The following PHF21A variants were observed in gnomAD, a reference collection of about 807,000 sequenced individuals.
PHF21A encodes the protein PHD finger protein 21A.
PHF21A carries 11 observed loss-of-function variants against 82.5 expected under a neutral mutation model. That is an observed-to-expected ratio of 0.13 (90% CI 0.08 to 0.22). PHF21A has a LOEUF of 0.22. Among genes scored for constraint, PHF21A ranks in the 10% least tolerant of loss-of-function variants. The pLI is 1.00. For missense variants in PHF21A, 579 were observed against 837.8 expected (o/e 0.69, Z 3.81); for synonymous variants, 297 against 302.8 (o/e 0.98, Z 0.20).
At chr11:45,970,459 A>T (rs893997813) in intron 8 of PHF21A, 10 of 152,532 alleles carry the variant, frequency 6.6e-5, no homozygotes, top group Admixed American at 3.9e-4. Context: ...TGCCATTTTA[A>T]GGGAATTTTA....
chr11:46,020,968 G>A (rs986584210), intron 6 of PHF21A, among the ~76,000 whole-genome samples: 34 of 151,844 alleles, frequency 2.2e-4, no homozygotes, highest in Admixed American at 2.0e-3. Flanking sequence ...TTCCACTTAC[G>A]ATAGTTTCAA....
intron 6 of PHF21A, among the ~76,000 whole-genome samples, chr11:45,993,496 A>C (rs2094790574): frequency 6.6e-6 from 1 of 151,984 alleles, no homozygotes. Flanking sequence ...AGAATATGGA[A>C]TCCCTGCCCT....
intron 6 of PHF21A, among the ~76,000 whole-genome samples, chr11:46,030,125 C>A (rs768111285): frequency 1.1e-4 from 17 of 152,160 alleles, no homozygotes; most frequent in Admixed American, 1.3e-4. Context: ...AACAATAGAG[C>A]AAACTGCTGA....
chr11:46,013,825 A>G (rs1308124463), intron 6 of PHF21A, among the ~76,000 whole-genome samples: 1 of 152,178 alleles, frequency 6.6e-6, no homozygotes, highest in Non-Finnish European at 1.5e-5. Context: ...AAACTACAGT[A>G]AAAATACACT....
intron 6 of PHF21A, among the ~76,000 whole-genome samples, chr11:46,073,626 CACAT>C (rs1393384591): frequency 2.0e-5 from 3 of 152,192 alleles, no homozygotes; most frequent in South Asian, 2.1e-4. Flanking sequence ...TTTACACGCC[CACAT>C]ACATATATAC....
At chr11:46,042,457 A>G (rs1318115642) in intron 6 of PHF21A, among the ~76,000 whole-genome samples, 2 of 152,158 alleles carry the variant, frequency 1.3e-5, no homozygotes, top group African/African-American at 4.8e-5. Flanking sequence ...GGGACACGTT[A>G]TAAGACTGGA....
intron 6 of PHF21A, among the ~76,000 whole-genome samples, chr11:46,044,059 AGAG>A (rs1356169647): frequency 6.6e-6 from 1 of 152,208 alleles, no homozygotes; most frequent in Non-Finnish European, 1.5e-5. Flanking sequence ...ACAATGCATT[AGAG>A]GAGTACTACA....
rs771127519 is a variant in PHF21A at position 45,935,626 on chromosome 11, G to T, written c.1788+10C>A. 63 of 1,290,084 alleles carry T rather than the reference G, an allele frequency of 4.9e-5. No individual in the cohort carries two copies. Among genetic ancestry groups the T allele is most frequent in the Non-Finnish European group, 6.8e-5 (60 of 884,972 alleles). 79.9% of individuals were successfully genotyped at this position (1,290,084 alleles called of 1,614,324 possible). On this transcript the variant is annotated intron_variant, in intron 18 of 18. Coordinates refer to ENST00000676320, the MANE Select transcript of PHF21A (RefSeq NM_001352027.3). ...ATGTATCGACTGCTGAAGGCATGAG[G>T]TTTACTTACACTTATGGAATTGCTG...
intron 1 of PHF21A, among the ~76,000 whole-genome samples, chr11:46,110,554 A>G (rs767267964): frequency 2.1e-5 from 1 of 48,456 alleles, no homozygotes; most frequent in Non-Finnish European, 4.6e-5. Context: ...TACAAACCTG[A>G]TATTTTCTAT....
intron 6 of PHF21A, among the ~76,000 whole-genome samples, chr11:46,054,745 A>G (rs995022441): frequency 6.6e-6 from 1 of 152,210 alleles, no homozygotes; most frequent in Admixed American, 6.5e-5. Context: ...AGCCTTGTTC[A>G]TCACTGAGGC....
intron 6 of PHF21A, among the ~76,000 whole-genome samples, chr11:46,000,961 A>C (rs531535576): frequency 6.6e-6 from 1 of 151,940 alleles, no homozygotes; most frequent in South Asian, 2.1e-4. Context: ...ATAAATTTAT[A>C]TGTCACTTTT....
At chr11:46,102,581 G>A (rs1160107946) in intron 1 of PHF21A, among the ~76,000 whole-genome samples, 1 of 152,170 alleles carries the variant, frequency 6.6e-6, no homozygotes, top group Non-Finnish European at 1.5e-5. Context: ...CTAGAGAGCA[G>A]TCTAATAAAT....
chr11:45,998,857 CTG>C (rs2095012712), intron 6 of PHF21A, among the ~76,000 whole-genome samples: 2 of 141,330 alleles, frequency 1.4e-5, no homozygotes, highest in Non-Finnish European at 3.1e-5. Context: ...CAGTCTCACT[CTG>C]TTGCCCAGGC....
At chr11:46,114,569 C>T (rs991523665) in intron 1 of PHF21A, among the ~76,000 whole-genome samples, 1 of 152,174 alleles carries the variant, frequency 6.6e-6, no homozygotes, top group Non-Finnish European at 1.5e-5. Flanking sequence ...GTCAATACAA[C>T]ATACTGTCCA....
intron 6 of PHF21A, among the ~76,000 whole-genome samples, chr11:45,987,868 C>T (rs2094551424): frequency 6.6e-6 from 1 of 152,092 alleles, no homozygotes; most frequent in South Asian, 2.1e-4. Context: ...AACCTAAAGG[C>T]AGCACTGCTT....
chr11:46,003,707 A>AGT (rs2095217638), intron 6 of PHF21A, among the ~76,000 whole-genome samples: 1 of 152,212 alleles, frequency 6.6e-6, no homozygotes, highest in African/African-American at 2.4e-5. Flanking sequence ...AGCACACTAC[A>AGT]GAGCACATGA....
At chr11:46,000,726 C>A (rs745512090) in intron 6 of PHF21A, among the ~76,000 whole-genome samples, 7 of 151,890 alleles carry the variant, frequency 4.6e-5, no homozygotes, top group Non-Finnish European at 1.0e-4. Context: ...TAGAGACCAG[C>A]CTGGCCAATA....
intron 10 of PHF21A, among the ~76,000 whole-genome samples, chr11:45,963,420 CAAAA>C (rs35389845): frequency 6.7e-5 from 6 of 89,948 alleles, no homozygotes; most frequent in Admixed American, 2.2e-4. Flanking sequence ...AACTCTGTGT[CAAAA>C]AAAAAAAAAA....
chr11:45,942,719 C>T (rs990655872), intron 15 of PHF21A, among the ~76,000 whole-genome samples: 1 of 152,186 alleles, frequency 6.6e-6, no homozygotes, highest in Non-Finnish European at 1.5e-5. Context: ...AAAGGTAACA[C>T]TTTCTTTGTT....
Sources: gnomAD v4.1 joint callset for allele counts (sites outside exome capture counted in the v4.1 genomes callset) on GRCh38, gnomAD v4.1.1 for gene constraint, MANE v1.5 for transcripts, NCBI Gene and HGNC (gene_info 2026-07-23, HGNC 2026-07-21) for gene names.